Variants in ITPR3 observed in about 807,000 individuals in gnomAD.
ITPR3 encodes inositol 1,4,5-trisphosphate receptor type 3.
Under a neutral mutation model 293.2 loss-of-function variants are expected in ITPR3, and 173 were observed. That is an observed-to-expected ratio of 0.59 (90% confidence interval 0.52 to 0.67). ITPR3 has a LOEUF of 0.67. ITPR3 is among the 30% of genes least tolerant of loss of function. ITPR3 has a pLI of 0.00. For synonymous variants in ITPR3, 1,295 were observed against 1,444.4 expected, an observed-to-expected ratio of 0.90 and a Z score of 2.35; for missense variants, 2,796 against 3,592.1, an observed-to-expected ratio of 0.78 and a Z score of 5.66.
In ITPR3 at chr6:33,680,139, G is replaced by T; in HGVS notation, c.4224+6G>T. ...ATGAGGACTGCATCACTGAGGTGGG[G>T]ATCGGGAGACTGGGCAAGACGGCTG... is the stretch of plus-strand genomic sequence containing the variant. On this transcript the variant is annotated splice_donor_region_variant and intron_variant, in intron 31 of 57. Coordinates refer to ENST00000605930, the MANE Select transcript of ITPR3 (RefSeq NM_002224.4). The T allele has an allele frequency of 1.9e-6, 3 of 1,610,160 alleles. 1 individual carries two copies. In the South Asian group the frequency reaches 3.3e-5, roughly 18 times the overall value.
At position 33,658,964 on chromosome 6, in the gene ITPR3, C is replaced by T. The variant is rs953557637; in HGVS notation, c.529-57C>T. On this transcript the variant is annotated intron_variant, in intron 5 of 57. Coordinates refer to ENST00000605930, the MANE Select transcript of ITPR3 (RefSeq NM_002224.4). The surrounding 1 kb of genome is among the most constrained non-coding windows in gnomAD (Gnocchi z 6.1). ...CTGAGACCAAAGGGAGGCCTGGAGGCGTGGTGACAAGAGGGCCCTGCCCTT... is the reference window on the plus strand; with the variant it reads ...CTGAGACCAAAGGGAGGCCTGGAGGTGTGGTGACAAGAGGGCCCTGCCCTT... 58 of 1,599,390 alleles carry T rather than the reference C, an allele frequency of 3.6e-5. No homozygotes were observed. The East Asian group carries it at 3.8e-4, about 10-fold the overall frequency.
chr6:33,677,365 G>T (rs1764934657), intron 27 of ITPR3, 139 bp from the exon 28 acceptor site: 2 of 1,172,848 alleles, frequency 1.7e-6, no homozygotes, highest in Non-Finnish European at 2.4e-6. Context: ...CTAGCCTGTT[G>T]CAAGGGTCTG....
intron 33 of ITPR3, among the ~76,000 whole-genome samples, chr6:33,681,832 T>A (rs910757049): frequency 1.3e-5 from 2 of 151,924 alleles, no homozygotes; most frequent in African/African-American, 4.8e-5. Context: ...TCCCCATCCT[T>A]GATCAGCTCC....
Position 33,688,527 on chromosome 6 carries a change from C to T in ITPR3, c.6568+96C>T, listed in dbSNP as rs549809774. On this transcript the variant is annotated intron_variant, in intron 48 of 57. Transcript: ENST00000605930. ...TTTGCCTGCCTGTGGGTGCCCTGCG[C>T]CCAACCCCGCCTCACCCCAAGGAAG... The T allele has an allele frequency of 3.4e-5, 51 of 1,507,192 alleles. No individual in the cohort carries two copies. The South Asian group carries it at 6.1e-4, about 18-fold the overall frequency. The allele number at this position is 1,507,192 out of a possible 1,614,324, so 93.4% of individuals were successfully genotyped here. A position where few individuals can be genotyped will look rare whatever the true frequency, so the allele number is the denominator to read the frequency against.
At chr6:33,635,137 A>G (rs1763788475) in intron 1 of ITPR3, among the ~76,000 whole-genome samples, 1 of 152,068 alleles carries the variant, frequency 6.6e-6, no homozygotes, top group Non-Finnish European at 1.5e-5. Flanking sequence ...CTGATTCACT[A>G]ATATCTTACA....
chr6:33,677,294 A>G (rs1764932671), intron 27 of ITPR3, among the ~76,000 whole-genome samples: 1 of 152,216 alleles, frequency 6.6e-6, no homozygotes, highest in African/African-American at 2.4e-5. Context: ...ATGAAATTCC[A>G]TTTCACAGTC....
At chr6:33,630,841 A>G (rs1452928689) in intron 1 of ITPR3, among the ~76,000 whole-genome samples, 1 of 152,142 alleles carries the variant, frequency 6.6e-6, no homozygotes, top group Non-Finnish European at 1.5e-5. Context: ...AATTCTATAT[A>G]TTCCATATAC....
chr6:33,694,015 C>T (rs1386491804), intron 56 of ITPR3, among the ~76,000 whole-genome samples: 1 of 152,178 alleles, frequency 6.6e-6, no homozygotes, highest in Non-Finnish European at 1.5e-5. Context: ...CCATGCGCCC[C>T]GAAGAACACG....
intron 39 of ITPR3, 106 bp from the exon 40 acceptor site, chr6:33,685,253 C>A: frequency 1.7e-6 from 2 of 1,148,256 alleles, no homozygotes; most frequent in Non-Finnish European, 2.5e-6. Context: ...TGCAGCCAGG[C>A]CCCTGCAGCC....
In ITPR3 at chr6:33,664,987, G is replaced by T; in HGVS notation, c.1248+18G>T. ...GGCTCATGGTGCGTGTCCCTGGGGT[G>T]GGGGTGGGGCTGGGGCCAGGGCCGG... is the stretch of plus-strand genomic sequence containing the variant. On this transcript the variant is annotated intron_variant, in intron 12 of 57. Transcript: ENST00000605930. This position sits in a 1 kb window ranked among gnomAD's most constrained non-coding sequence, Gnocchi z 4.4. 6.2e-7 allele frequency: 1 copy of T among 1,613,004 alleles called. No homozygotes were observed.
In ITPR3 at chr6:33,688,448, G is replaced by T; in HGVS notation, c.6568+17G>T. On this transcript the variant is annotated intron_variant, in intron 48 of 57. Coordinates refer to ENST00000605930, the MANE Select transcript of ITPR3 (RefSeq NM_002224.4). ...AGCTCCGCAGTGAGGACCCACGGGC[G>T]GGAGGGTGGGGCGGTCTGGAGCTGT... 6 of 1,493,596 alleles carry T rather than the reference G, an allele frequency of 4.0e-6. No individual in the cohort carries two copies. In the East Asian group the frequency reaches 7.3e-5, roughly 18 times the overall value. The allele number at this position is 1,493,596 out of a possible 1,614,324, so 92.5% of individuals were successfully genotyped here. A position where few individuals can be genotyped will look rare whatever the true frequency, so the allele number is the denominator to read the frequency against.
chr6:33,663,500 G>A lies in ITPR3; in HGVS notation c.955G>A (p.Glu319Lys), dbSNP rs1197739037. The change falls in exon 10 of 58, where the codon GAG (glutamate) becomes AAG (lysine). Residue 319 changes from glutamate (E) to lysine (K), a missense_variant and splice_region_variant. This residue lies in a region of ITPR3 where 955 missense variants were observed against 1,180.8 expected (regional missense o/e 0.81). Transcript: ENST00000605930. Reference sequence around the variant, plus strand: ...CCCCACATCTTGTATCTCTGTCCAGGAGAACCCCAGTTACAAAGGTGATGC... The same window carrying A: ...CCCCACATCTTGTATCTCTGTCCAGAAGAACCCCAGTTACAAAGGTGATGC... ...LATGNYLAAEENPSYKGDASD... is the reference protein window; with the variant it reads ...LATGNYLAAEKNPSYKGDASD... The A allele has an allele frequency of 6.2e-7, 1 of 1,604,724 alleles. No individual in the cohort carries two copies. Among genetic ancestry groups the A allele is most frequent in the Non-Finnish European group, 8.5e-7 (1 of 1,175,274 alleles).
Position 33,640,537 on chromosome 6 carries a change from C to G in ITPR3, c.143C>G (p.Pro48Arg), listed in dbSNP as rs867636400. 5.0e-6 allele frequency: 8 copies of G among 1,613,250 alleles called. No homozygotes were observed. The highest frequency in any genetic ancestry group is 6.8e-6 in the Non-Finnish European group (8 of 1,179,640). ...VEPAAGDLDNPPKKFRDCLFK... is the reference protein window; with the variant it reads ...VEPAAGDLDNRPKKFRDCLFK... ...CCCGCGGCCGGGGACCTGGACAACC[C>G]CCCTAAGAAGTTCCGTGGTAAGACC... The change falls in exon 2 of 58, where the codon CCC (proline) becomes CGC (arginine). Residue 48 changes from proline (P) to arginine (R), a missense_variant. Pro to Arg is a moderately radical substitution (Grantham distance 103). Around this residue, in one of 8 missense-constraint regions of ITPR3, gnomAD observed 53 missense variants for 45.7 expected, o/e 1.16. Transcript: ENST00000605930.
In ITPR3 at chr6:33,624,517, G is replaced by C. The variant is rs74770208; in HGVS notation, c.89+2826G>C. ...CTGCATTTTATTAAGATCCCCAGGG[G>C]ACTGGTGCATTAAAGTGTGAGGAGC... On this transcript the variant is annotated intron_variant, in intron 1 of 57. Transcript: ENST00000605930. The surrounding 1 kb of genome is among the most constrained non-coding windows in gnomAD (Gnocchi z 4.7). 2.2e-3 allele frequency among the ~76,000 whole-genome samples: 334 copies of C among 152,346 alleles called. 1 individual carries two copies. The highest frequency in any genetic ancestry group is 4.0e-3 in the Non-Finnish European group (275 of 68,044).
chr6:33,675,932 G>A lies in ITPR3; in HGVS notation c.3282+76G>A, dbSNP rs145544226. On this transcript the variant is annotated intron_variant, in intron 25 of 57. Transcript: ENST00000605930. This position sits in a 1 kb window ranked among gnomAD's most constrained non-coding sequence, Gnocchi z 5.0. ...CGGGGGGACAGTAAACGATGATTGA[G>A]GAGCTCACAGCTCAAGGGGTAACTT... 3 of 1,435,792 alleles carry A rather than the reference G, an allele frequency of 2.1e-6. No homozygotes were observed. The highest frequency in any genetic ancestry group is 1.4e-5 in the African/African-American group (1 of 69,226). 88.9% of individuals were successfully genotyped at this position (1,435,792 alleles called of 1,614,324 possible). A position where few individuals can be genotyped will look rare whatever the true frequency, so the allele number is the denominator to read the frequency against.
At chr6:33,622,097 C>T (rs1763451600) in intron 1 of ITPR3, among the ~76,000 whole-genome samples, 1 of 152,106 alleles carries the variant, frequency 6.6e-6, no homozygotes, top group South Asian at 2.1e-4. Context: ...TGGGCAGGCT[C>T]AGCTTGGAGC....
chr6:33,658,901 G>A lies in ITPR3; in HGVS notation c.528+73G>A. ...GCTTCTGTAGGGTCTTCGGTGTGGGGACTGGATAAGGGCATGCCCATTTCT... is the reference window on the plus strand; with the variant it reads ...GCTTCTGTAGGGTCTTCGGTGTGGGAACTGGATAAGGGCATGCCCATTTCT... On this transcript the variant is annotated intron_variant, in intron 5 of 57. Coordinates refer to ENST00000605930, the MANE Select transcript of ITPR3 (RefSeq NM_002224.4). This position sits in a 1 kb window ranked among gnomAD's most constrained non-coding sequence, Gnocchi z 6.1. 6.2e-7 allele frequency: 1 copy of A among 1,602,798 alleles called. No homozygotes were observed. The highest frequency in any genetic ancestry group is 8.5e-7 in the Non-Finnish European group (1 of 1,172,044).
chr6:33,637,188 G>A (rs761198062), intron 1 of ITPR3, among the ~76,000 whole-genome samples: 9 of 152,188 alleles, frequency 5.9e-5, no homozygotes, highest in African/African-American at 9.6e-5. Context: ...TCCCACAGGT[G>A]GAAAGCTCAG....
At chr6:33,629,819 G>A (rs890166963) in intron 1 of ITPR3, among the ~76,000 whole-genome samples, 4 of 151,814 alleles carry the variant, frequency 2.6e-5, no homozygotes, top group African/African-American at 7.3e-5. Flanking sequence ...TAGGCCAGGC[G>A]CAGTGGCTCA....
Sources: allele counts gnomAD v4.1 joint callset (sites outside exome capture counted in the v4.1 genomes callset), GRCh38; gene constraint gnomAD v4.1.1; regional missense constraint gnomAD v4.1.1; non-coding constraint Gnocchi (gnomAD v3.1); transcripts MANE v1.5; gene names NCBI Gene and HGNC (gene_info 2026-07-23, HGNC 2026-07-21).